The following NETO1 variants were observed in gnomAD, a reference collection of about 807,000 sequenced individuals.
NETO1 encodes neuropilin and tolloid like 1, also known as neuropilin and tolloid-like protein 1.
NETO1 carries 26 observed loss-of-function variants against 61.3 expected under a neutral mutation model. That is an observed-to-expected ratio of 0.42 (90% CI 0.31 to 0.59). NETO1 has a LOEUF of 0.59. Among genes scored for constraint, NETO1 ranks in the 20% least tolerant of loss-of-function variants. NETO1 has a pLI of 0.12. For missense variants in NETO1, 531 were observed against 662.8 expected, an observed-to-expected ratio of 0.80 and a Z score of 2.18; for synonymous variants, 225 against 225.8, an observed-to-expected ratio of 1.00 and a Z score of 0.03.
At chr18:72,767,718 A>C (rs1403319510) in intron 7 of NETO1, among the ~76,000 whole-genome samples, 1 of 152,134 alleles carries the variant, frequency 6.6e-6, no homozygotes, top group Non-Finnish European at 1.5e-5. Context: ...AAAGCTTTAA[A>C]AAAAACAGGA....
chr18:72,808,414 C>G, intron 4 of NETO1, among the ~76,000 whole-genome samples: 1 of 60,898 alleles, frequency 1.6e-5, no homozygotes, highest in East Asian at 4.5e-4. Context: ...GGTGGCACTG[C>G]AGATTTGTGT....
chr18:72,834,506 T>C, intron 4 of NETO1: 2 of 967,870 alleles, frequency 2.1e-6, no homozygotes, highest in East Asian at 1.1e-4. Flanking sequence ...AGAAAGTTAA[T>C]CAACTATTCT....
chr18:72,843,816 G>A (rs758207602), intron 4 of NETO1, among the ~76,000 whole-genome samples: 1 of 152,296 alleles, frequency 6.6e-6, no homozygotes, highest in East Asian at 1.9e-4. Context: ...TTGGTAACTC[G>A]CTAAGATTGT....
intron 4 of NETO1, among the ~76,000 whole-genome samples, chr18:72,852,109 C>A (rs552790884): frequency 7.2e-5 from 11 of 152,194 alleles, no homozygotes; most frequent in Non-Finnish European, 1.6e-4. Context: ...CATAGTCCGG[C>A]GATTAGCCGA....
chr18:72,784,070 T>C (rs1173388512), intron 6 of NETO1, among the ~76,000 whole-genome samples, 164 bp from the exon 7 acceptor site: 1 of 151,816 alleles, frequency 6.6e-6, no homozygotes, highest in Non-Finnish European at 1.5e-5. Context: ...GAACAAACTG[T>C]GTTTAATATT....
chr18:72,749,638 C>T (rs2070525538), intron 9 of NETO1, among the ~76,000 whole-genome samples: 1 of 151,978 alleles, frequency 6.6e-6, no homozygotes, highest in East Asian at 1.9e-4. Context: ...AATTGTCCAT[C>T]AAGATGGGTG....
intron 2 of NETO1, 47 bp downstream of exon 2, chr18:72,865,141 C>A (rs375374644): frequency 2.2e-5 from 34 of 1,562,910 alleles, no homozygotes; most frequent in Non-Finnish European, 2.6e-5. Context: ...TAGGAAAATA[C>A]AAAATAATTC....
intron 8 of NETO1, 92 bp from the exon 9 acceptor site, chr18:72,750,712 CTT>C (rs2070574433): frequency 2.2e-6 from 2 of 896,446 alleles, no homozygotes; most frequent in Non-Finnish European, 3.2e-6. Context: ...GTATTAAAAA[CTT>C]AAAGTAAAGC....
rs184784211 is a variant in NETO1 at position 72,815,572 on chromosome 18, A to G, written c.470-21168T>C. Reference sequence around the variant, plus strand: ...CAAGTCATTTAATCTTATTAATAATAAACAAAATGCAATTAAAATAACAAC... The same window carrying G: ...CAAGTCATTTAATCTTATTAATAATGAACAAAATGCAATTAAAATAACAAC... On this transcript the variant is annotated intron_variant, in intron 4 of 10. Coordinates refer to ENST00000327305, the MANE Select transcript of NETO1 (RefSeq NM_138966.5). 1.5e-3 allele frequency among the ~76,000 whole-genome samples: 231 copies of G among 152,326 alleles called. 3 individuals are homozygous for G. The highest frequency in any genetic ancestry group is 3.1e-4 in the Non-Finnish European group (21 of 68,026).
At chr18:72,823,968 G>A (rs1484533762) in intron 4 of NETO1, among the ~76,000 whole-genome samples, 1 of 152,160 alleles carries the variant, frequency 6.6e-6, no homozygotes, top group Non-Finnish European at 1.5e-5. Flanking sequence ...AACCACTGGA[G>A]GGGCTTGTAA....
intron 7 of NETO1, among the ~76,000 whole-genome samples, chr18:72,759,848 G>A (rs1351495987): frequency 6.6e-6 from 1 of 152,102 alleles, no homozygotes; most frequent in Non-Finnish European, 1.5e-5. Context: ...TGATTTCAAG[G>A]AAAGTCAAAA....
intron 4 of NETO1, among the ~76,000 whole-genome samples, chr18:72,839,319 T>C (rs1185521504): frequency 6.6e-6 from 1 of 152,146 alleles, no homozygotes; most frequent in Non-Finnish European, 1.5e-5. Flanking sequence ...ACTTAACTAC[T>C]CCAAAATTTG....
At chr18:72,841,633 C>T (rs1331743490) in intron 4 of NETO1, among the ~76,000 whole-genome samples, 1 of 138,906 alleles carries the variant, frequency 7.2e-6, no homozygotes, top group African/African-American at 2.7e-5. Flanking sequence ...ACTCAGGAGG[C>T]TGAGGCAAGA....
At position 72,847,456 on chromosome 18, in the gene NETO1, A is replaced by G. The variant is rs111474461; in HGVS notation, c.469+11370T>C. Among the ~76,000 whole-genome samples the G allele has an allele frequency of 2.3e-3, 354 of 152,362 alleles. 4 individuals carry two copies. The highest frequency in any genetic ancestry group is 8.2e-3 in the African/African-American group (343 of 41,588). ...ATAGCTCTTTTGAAGCAAAGGCATCAGGCAAATATGCCATGAAGAGGCAGA... is the reference window on the plus strand; with the variant it reads ...ATAGCTCTTTTGAAGCAAAGGCATCGGGCAAATATGCCATGAAGAGGCAGA... On this transcript the variant is annotated intron_variant, in intron 4 of 10. Transcript: ENST00000327305.
intron 4 of NETO1, chr18:72,834,091 T>A: frequency 1.1e-6 from 1 of 940,632 alleles, no homozygotes; most frequent in Non-Finnish European, 1.3e-6. Context: ...TTACTTGTAT[T>A]ATTGTCTTGG....
intron 3 of NETO1, among the ~76,000 whole-genome samples, chr18:72,862,984 A>G (rs760920751): frequency 6.6e-6 from 1 of 152,240 alleles, no homozygotes; most frequent in Non-Finnish European, 1.5e-5. Flanking sequence ...CTTCTTTAGT[A>G]TAAGTATTTA....
At chr18:72,829,077 C>T (rs1006079238) in intron 4 of NETO1, among the ~76,000 whole-genome samples, 2 of 152,058 alleles carry the variant, frequency 1.3e-5, no homozygotes, top group South Asian at 2.1e-4. Flanking sequence ...CTCCAATTAC[C>T]TTATTACAGC....
chr18:72,799,164 T>C (rs1599022619), intron 4 of NETO1, among the ~76,000 whole-genome samples: 1 of 152,162 alleles, frequency 6.6e-6, no homozygotes, highest in East Asian at 1.9e-4. Context: ...TGTCATGAAC[T>C]TTTAGGAGAG....
intron 6 of NETO1, among the ~76,000 whole-genome samples, chr18:72,786,939 G>C (rs1366444847): frequency 6.6e-6 from 1 of 150,570 alleles, no homozygotes; most frequent in Non-Finnish European, 1.5e-5. Flanking sequence ...AAAAAGGCTG[G>C]AGCAAAGAAG....
Sources: gnomAD v4.1 joint callset for allele counts (sites outside exome capture counted in the v4.1 genomes callset) on GRCh38, gnomAD v4.1.1 for gene constraint, MANE v1.5 for transcripts, NCBI Gene and HGNC (gene_info 2026-07-23, HGNC 2026-07-21) for gene names.